ROS1: variants seen among roughly 807,000 people sequenced by gnomAD.
The protein encoded by ROS1 is ROS proto-oncogene 1, receptor tyrosine kinase, also known as proto-oncogene tyrosine-protein kinase ROS.
Under a neutral mutation model 273.5 loss-of-function variants are expected in ROS1, and 263 were observed. The observed-to-expected ratio is 0.96, with a 90% CI of 0.87 to 1.06. The LOEUF (loss-of-function observed/expected upper bound fraction) is 1.06. ROS1 is among the 50% of genes least tolerant of loss of function. The probability of loss-of-function intolerance (pLI) is 0.00; values close to 1 mark genes in which losing one functional copy is unlikely to be tolerated. For synonymous variants in ROS1, 1,008 were observed against 954.1 expected, an observed-to-expected ratio of 1.06 and a Z score of -1.04; for missense variants, 2,833 against 2,751.1, an observed-to-expected ratio of 1.03 and a Z score of -0.67.
At chr6:117,292,262 G>A (rs755455683) in intron 43 of ROS1, among the ~76,000 whole-genome samples, 5 of 152,196 alleles carry the variant, frequency 3.3e-5, no homozygotes, top group Non-Finnish European at 5.9e-5. Flanking sequence ...GAGCCACAGC[G>A]CCTGGCCCTC....
rs1252636078 is a variant in ROS1 at position 117,403,290 on chromosome 6, GT to G, written c.466-14del. On this transcript the variant is annotated splice_polypyrimidine_tract_variant and intron_variant, in intron 6 of 43. Coordinates refer to ENST00000368507, the MANE Select transcript of ROS1 (RefSeq NM_001378902.1). ...GTCTGGACACAGTCTAGATCAAGGA[GT>G]GATCAATCATCAGCATTATAGAATC... 8 of 1,609,964 alleles carry G rather than the reference GT, an allele frequency of 5.0e-6. No homozygotes were observed. In the African/African-American group the frequency reaches 1.1e-4, roughly 22 times the overall value.
chr6:117,331,269 A>C (rs117032878), intron 32 of ROS1, among the ~76,000 whole-genome samples: 1,838 of 152,348 alleles, frequency 0.012, 23 homozygotes, highest in Middle Eastern at 0.041. Flanking sequence ...TATTGAAATA[A>C]GACATGCTGA....
chr6:117,324,350 T>C lies in ROS1; in HGVS notation c.5605A>G (p.Thr1869Ala). ...TIIVGIFLVV[T>A]IPLTFVWHRR... ...TACTTACCAAAGGTCAGTGGGATTG[T>C]AACAACCAGAAATATTCCAACTATA... The change falls in exon 35 of 44, where the codon ACA (threonine) becomes GCA (alanine). Residue 1869 changes from threonine to alanine, a missense_variant. Transcript: ENST00000368507. The C allele has an allele frequency of 6.6e-7, 1 of 1,524,410 alleles. No individual in the cohort carries two copies. Among genetic ancestry groups the C allele is most frequent in the Non-Finnish European group, 9.0e-7 (1 of 1,105,882 alleles). The allele number at this position is 1,524,410 out of a possible 1,614,324, so 94.4% of individuals were successfully genotyped here. A position where few individuals can be genotyped will look rare whatever the true frequency, so the allele number is the denominator to read the frequency against.
intron 32 of ROS1, among the ~76,000 whole-genome samples, chr6:117,336,741 C>T (rs1406700871): frequency 2.6e-5 from 4 of 151,800 alleles, no homozygotes. Flanking sequence ...ATCTTTGTTC[C>T]TTCCATTCTT....
chr6:117,323,320 T>G (rs1291822194), intron 35 of ROS1, among the ~76,000 whole-genome samples: 1 of 152,178 alleles, frequency 6.6e-6, no homozygotes, highest in African/African-American at 2.4e-5. Flanking sequence ...GAATAAAGAC[T>G]TAGAACACAG....
intron 5 of ROS1, among the ~76,000 whole-genome samples, chr6:117,409,180 G>A (rs557623556): frequency 4.3e-4 from 65 of 151,918 alleles, no homozygotes; most frequent in South Asian, 1.0e-3. Context: ...AAACCTGCAC[G>A]TTGGGCACAT....
chr6:117,399,147 G>A (rs927476025), intron 7 of ROS1, among the ~76,000 whole-genome samples: 28 of 152,144 alleles, frequency 1.8e-4, no homozygotes, highest in African/African-American at 6.0e-4. Context: ...CCCATGTAGG[G>A]TCTAGAAGAC....
Position 117,397,207 on chromosome 6 carries a change from T to C in ROS1, c.605-91A>G. The C allele has an allele frequency of 4.6e-6, 4 of 865,096 alleles. 1 individual carries two copies. In the South Asian group the frequency reaches 5.0e-5, roughly 11 times the overall value. 53.6% of individuals were successfully genotyped at this position (865,096 alleles called of 1,614,324 possible). A position where few individuals can be genotyped will look rare whatever the true frequency, so the allele number is the denominator to read the frequency against. On this transcript the variant is annotated intron_variant, in intron 7 of 43. Transcript: ENST00000368507. ...TGGAAAAAAGTCTTGTTTTTTTTTT[T>C]GAAAACTTAATGGAAACGAAATAAT...
chr6:117,321,461 T>A (rs2128563958), intron 35 of ROS1, 67 bp from the exon 36 acceptor site: 1 of 1,381,006 alleles, frequency 7.2e-7, no homozygotes. Context: ...TAGGAAATGT[T>A]AACAGTGCAT....
chr6:117,305,144 T>A (rs1775008899), intron 42 of ROS1, among the ~76,000 whole-genome samples: 1 of 152,184 alleles, frequency 6.6e-6, no homozygotes, highest in Non-Finnish European at 1.5e-5. Flanking sequence ...GAGAATGAAC[T>A]AATACAGGTA....
chr6:117,326,205 G>T lies in ROS1; in HGVS notation c.5539+19C>A, dbSNP rs745748305. ...CCTTTAGGTAATAAGCTAGTGTGTA[G>T]ACAGACATGGTAACATACCTCCAAC... is the stretch of plus-strand genomic sequence containing the variant. On this transcript the variant is annotated intron_variant, in intron 34 of 43. Coordinates refer to ENST00000368507, the MANE Select transcript of ROS1 (RefSeq NM_001378902.1). The T allele has an allele frequency of 6.5e-6, 10 of 1,526,990 alleles. No individual in the cohort carries two copies. Among genetic ancestry groups the T allele is most frequent in the Non-Finnish European group, 8.9e-6 (10 of 1,126,186 alleles). 94.6% of individuals were successfully genotyped at this position (1,526,990 alleles called of 1,614,324 possible).
In ROS1 at chr6:117,344,247, G is replaced by A. The variant is rs1480952819; in HGVS notation, c.4319C>T (p.Ser1440Phe). Residue 1440 changes from serine (S) to phenylalanine (F), a missense_variant, in exon 28 of 44, where the codon TCT becomes TTT. Ser to Phe is a radical substitution (Grantham distance 155). Coordinates refer to ENST00000368507, the MANE Select transcript of ROS1 (RefSeq NM_001378902.1). ...TGGTTCCACAGTGTCTGAAGCTAGA[G>A]ACAGAAACGCTTTATCTAAAATAAG... ...MQPFPDKAFL[S>F]LASDTVEPTI... 2 of 1,613,252 alleles carry A rather than the reference G, an allele frequency of 1.2e-6. No homozygotes were observed. Among genetic ancestry groups the A allele is most frequent in the Admixed American group, 1.7e-5 (1 of 59,966 alleles).
intron 42 of ROS1, among the ~76,000 whole-genome samples, chr6:117,307,689 G>A (rs147540566): frequency 5.3e-5 from 8 of 152,062 alleles, no homozygotes; most frequent in East Asian, 3.9e-4. Context: ...AGAAACAAGC[G>A]GTAATTCCAA....
In ROS1 at chr6:117,341,245, T is replaced by TA; in HGVS notation, c.4950dup (p.Asn1651Ter). The TA allele has an allele frequency of 6.2e-7, 1 of 1,613,694 alleles. No homozygotes were observed. The highest frequency in any genetic ancestry group is 8.5e-7 in the Non-Finnish European group (1 of 1,179,704). ...AAGGAATAAGGTTTCTCTGGTGTGT[T>TA]AAACATTTCCACAGTGACAGGATGA... On this transcript the variant is annotated frameshift_variant, in exon 31 of 44. Coordinates refer to ENST00000368507, the MANE Select transcript of ROS1 (RefSeq NM_001378902.1). LOFTEE classifies it high-confidence loss of function.
intron 18 of ROS1, among the ~76,000 whole-genome samples, chr6:117,374,176 T>C (rs1048147533): frequency 1.3e-5 from 2 of 152,176 alleles, no homozygotes; most frequent in East Asian, 1.9e-4. Context: ...AGAGCCCATA[T>C]AGCCAAAGCA....
chr6:117,336,904 T>A (rs1041357467), intron 32 of ROS1, among the ~76,000 whole-genome samples: 10 of 152,132 alleles, frequency 6.6e-5, no homozygotes, highest in African/African-American at 2.4e-4. Context: ...GTTATCACCA[T>A]AAAATTGTCA....
chr6:117,409,708 C>T, intron 4 of ROS1, 66 bp from the exon 5 acceptor site: 1 of 1,301,250 alleles, frequency 7.7e-7, no homozygotes, highest in Non-Finnish European at 1.1e-6. Flanking sequence ...TAAGCTTCAA[C>T]TAAATTTTAA....
intron 39 of ROS1, among the ~76,000 whole-genome samples, chr6:117,314,386 G>T (rs1427652063): frequency 1.3e-5 from 2 of 152,068 alleles, no homozygotes; most frequent in Non-Finnish European, 2.9e-5. Context: ...GGCAAGAATT[G>T]AGCTGTTTTT....
intron 5 of ROS1, among the ~76,000 whole-genome samples, chr6:117,406,069 C>T (rs1426970997): frequency 1.3e-5 from 2 of 152,100 alleles, no homozygotes; most frequent in Non-Finnish European, 2.9e-5. Flanking sequence ...TGCTTGAACT[C>T]AGGCGTTTGA....
Sources: gnomAD v4.1 joint callset for allele counts (sites outside exome capture counted in the v4.1 genomes callset) on GRCh38, gnomAD v4.1.1 for gene constraint, MANE v1.5 for transcripts, NCBI Gene and HGNC (gene_info 2026-07-23, HGNC 2026-07-21) for gene names.